Variants in C6orf163 observed in about 807,000 individuals in gnomAD.
C6orf163 encodes chromosome 6 open reading frame 163, also known as uncharacterized protein C6orf163.
Under a neutral mutation model 28.4 loss-of-function variants are expected in C6orf163, and 22 were observed. The observed-to-expected ratio is 0.78, with a 90% CI of 0.55 to 1.11. The LOEUF (loss-of-function observed/expected upper bound fraction) is 1.11, where lower values mean the gene tolerates loss of function less well. Ranked by LOEUF, C6orf163 falls within the 50% of genes least tolerant of loss-of-function variation. C6orf163 has a pLI of 0.00. For missense variants in C6orf163, 342 were observed against 389.1 expected (o/e 0.88, Z 1.02); for synonymous variants, 110 against 123.6 (o/e 0.89, Z 0.73).
chr6:87,349,896 G>A (rs1029082004), intron 2 of C6orf163, among the ~76,000 whole-genome samples: 1 of 152,192 alleles, frequency 6.6e-6, no homozygotes, highest in African/African-American at 2.4e-5. Flanking sequence ...CAATTTGAAT[G>A]TAAGTTGGTC....
rs41273287 is a variant in C6orf163, at chr6:87,345,232, C to T, written c.133C>T (p.His45Tyr). The change falls in exon 1 of 5, where the codon CAC (histidine) becomes TAC (tyrosine). Residue 45 changes from histidine to tyrosine, a missense_variant. Physicochemically the swap from His to Tyr is moderately conservative, Grantham distance 83. Transcript: ENST00000388923. ...GCCACTTAAGACACGCTTTTACACTCACAAAGACATACTAGGTAAGTGACT... is the reference window on the plus strand; with the variant it reads ...GCCACTTAAGACACGCTTTTACACTTACAAAGACATACTAGGTAAGTGACT... The part of the protein sequence containing the change: ...YKPLKTRFYT[H>Y]KDILDIGANI... 10,093 of 1,528,174 alleles carry T rather than the reference C, an allele frequency of 6.6e-3. 541 individuals carry two copies. The African/African-American group carries it at 0.11, about 17-fold the overall frequency. 94.7% of individuals were successfully genotyped at this position (1,528,174 alleles called of 1,614,324 possible). A position where few individuals can be genotyped will look rare whatever the true frequency, so the allele number is the denominator to read the frequency against.
chr6:87,353,524 G>C (rs1777452194), intron 3 of C6orf163, among the ~76,000 whole-genome samples: 1 of 151,292 alleles, frequency 6.6e-6, no homozygotes, highest in Non-Finnish European at 1.5e-5. Context: ...ATTGACACTG[G>C]CTTTTTTTCC....
chr6:87,348,482 C>A, intron 1 of C6orf163: 1 of 1,058,992 alleles, frequency 9.4e-7, no homozygotes, highest in Non-Finnish European at 1.1e-6. Flanking sequence ...TGTGCTAAGA[C>A]CTCTTGAATA....
intron 3 of C6orf163, among the ~76,000 whole-genome samples, chr6:87,352,602 A>G (rs1441281593): frequency 6.6e-6 from 1 of 152,238 alleles, no homozygotes; most frequent in East Asian, 1.9e-4. Context: ...AATATCAAAA[A>G]GTAAATGAGA....
chr6:87,360,277 T>TA (rs11331376), intron 4 of C6orf163, among the ~76,000 whole-genome samples: 363 of 151,922 alleles, frequency 2.4e-3, no homozygotes, highest in African/African-American at 8.5e-3. Context: ...CCTCTTTCGA[T>TA]AAAAAAAATA....
chr6:87,349,250 C>T (rs1261598990), intron 2 of C6orf163, among the ~76,000 whole-genome samples: 1 of 151,934 alleles, frequency 6.6e-6, no homozygotes, highest in Non-Finnish European at 1.5e-5. Flanking sequence ...TTGATTGAAA[C>T]CAAAACTAAA....
At chr6:87,362,596 CT>C (rs983600090) in intron 4 of C6orf163, among the ~76,000 whole-genome samples, 2 of 152,166 alleles carry the variant, frequency 1.3e-5, no homozygotes, top group Admixed American at 6.5e-5. Flanking sequence ...ATCATTACCC[CT>C]GTTATTAATA....
intron 3 of C6orf163, among the ~76,000 whole-genome samples, chr6:87,354,412 A>C (rs1178718046): frequency 6.6e-6 from 1 of 152,238 alleles, no homozygotes; most frequent in Non-Finnish European, 1.5e-5. Context: ...ATTAAATGCC[A>C]CATGAAGTTT....
chr6:87,347,116 G>C (rs1363979527), intron 1 of C6orf163, among the ~76,000 whole-genome samples: 1 of 152,134 alleles, frequency 6.6e-6, no homozygotes, highest in African/African-American at 2.4e-5. Context: ...TTACCCCTTA[G>C]CTGTCACTCT....
At chr6:87,361,145 C>T (rs566574946) in intron 4 of C6orf163, among the ~76,000 whole-genome samples, 12 of 152,026 alleles carry the variant, frequency 7.9e-5, no homozygotes, top group Non-Finnish European at 1.8e-4. Flanking sequence ...ATTAGCTGGG[C>T]ATGGTCGCAC....
intron 4 of C6orf163, among the ~76,000 whole-genome samples, chr6:87,364,702 G>T (rs763063384): frequency 6.6e-6 from 1 of 152,132 alleles, no homozygotes; most frequent in African/African-American, 2.4e-5. Context: ...GTGATCTCAG[G>T]TTCCTAAAGT....
chr6:87,361,248 C>T (rs1777576812), intron 4 of C6orf163, among the ~76,000 whole-genome samples: 1 of 151,960 alleles, frequency 6.6e-6, no homozygotes, highest in Non-Finnish European at 1.5e-5. Flanking sequence ...GGTGCTGCTG[C>T]ACTCCAGCCT....
rs2127936829 is a variant in C6orf163 at position 87,365,455 on chromosome 6, C to CA, written c.*64dup. 2.5e-6 allele frequency: 3 copies of CA among 1,192,632 alleles called. No homozygotes were observed. The South Asian group carries it at 4.9e-5, about 19-fold the overall frequency. The allele number at this position is 1,192,632 out of a possible 1,614,324, so 73.9% of individuals were successfully genotyped here. On this transcript the variant is annotated 3_prime_UTR_variant, in exon 5 of 5. Transcript: ENST00000388923. ...TCATTCCAGACTAAATAAATTTACT[C>CA]AAAAACCATGTATTGATTCCCCAGC...
intron 1 of C6orf163, chr6:87,347,554 A>G: frequency 1.0e-6 from 1 of 985,472 alleles, no homozygotes; most frequent in Non-Finnish European, 1.2e-6. Flanking sequence ...CCACCGTAAT[A>G]TATGCTGCCC....
chr6:87,348,903 T>C lies in C6orf163; in HGVS notation c.240T>C (p.Ala80=). ...HIAKAEAEVW[A]QANERQKQAV... is the part of the protein sequence containing the mutation. The stretch of plus-strand genomic sequence containing the variant: ...CGAAAGCAGAAGCTGAAGTATGGGC[T>C]CAGGTAAAAGAAGTTACATGTCAAC... The change falls in exon 2 of 5, where the codon GCT becomes GCC. Residue 80 remains alanine, a synonymous_variant. Transcript: ENST00000388923. The C allele has an allele frequency of 6.5e-7, 1 of 1,537,114 alleles. No homozygotes were observed. The highest frequency in any genetic ancestry group is 8.7e-7 in the Non-Finnish European group (1 of 1,146,854).
In C6orf163 at chr6:87,348,809, C is replaced by G; in HGVS notation, c.149-3C>G. On this transcript the variant is annotated splice_region_variant and splice_polypyrimidine_tract_variant and intron_variant, in intron 1 of 4. Transcript: ENST00000388923. ...TTGTGACCATTGCTCTTCAAATACA[C>G]AGATATTGGGGCAAATATTCTGAAA... 1.3e-6 allele frequency: 2 copies of G among 1,536,950 alleles called. No homozygotes were observed. The highest frequency in any genetic ancestry group is 1.7e-6 in the Non-Finnish European group (2 of 1,146,756).
intron 4 of C6orf163, among the ~76,000 whole-genome samples, chr6:87,362,354 G>T (rs1777592685): frequency 6.6e-6 from 1 of 152,162 alleles, no homozygotes; most frequent in East Asian, 1.9e-4. Flanking sequence ...GTGCACACTT[G>T]TAATCCCAGA....
chr6:87,354,439 A>C (rs1205692544), intron 3 of C6orf163, among the ~76,000 whole-genome samples: 1 of 152,244 alleles, frequency 6.6e-6, no homozygotes, highest in Admixed American at 6.5e-5. Context: ...CAGTACAATC[A>C]TTCATCTTTG....
At chr6:87,345,444 A>G (rs922978458) in intron 1 of C6orf163, among the ~76,000 whole-genome samples, 197 bp downstream of exon 1, 16 of 152,266 alleles carry the variant, frequency 1.1e-4, no homozygotes, top group South Asian at 2.1e-4. Flanking sequence ...TAGCCTCTCA[A>G]TCTGTTTCCT....
Sources: gnomAD v4.1 joint callset for allele counts (sites outside exome capture counted in the v4.1 genomes callset) on GRCh38, gnomAD v4.1.1 for gene constraint, MANE v1.5 for transcripts, NCBI Gene and HGNC (gene_info 2026-07-23, HGNC 2026-07-21) for gene names.